SLC38A12: variants seen among roughly 807,000 people sequenced by gnomAD.
SLC38A12 encodes putative sodium-coupled neutral amino acid transporter 12.
the SLC38A12 span, among the ~76,000 whole-genome samples, chr17:74,807,111 C>T: frequency 6.6e-6 from 1 of 150,484 alleles, no homozygotes; most frequent in African/African-American, 2.5e-5. Flanking sequence ...AGACACCCCC[C>T]CACCCCACCC....
At chr17:74,788,677 A>G in the SLC38A12 span, 3 of 819,590 alleles carry the variant, frequency 3.7e-6, no homozygotes, top group South Asian at 5.2e-5. Flanking sequence ...GCTCTCAGAA[A>G]AGAGAATGGT....
chr17:74,795,709 C>T, the SLC38A12 span: 2 of 1,126,708 alleles, frequency 1.8e-6, no homozygotes, highest in African/African-American at 3.1e-5. Flanking sequence ...CCTTTACTTC[C>T]AGGTAGAATC....
chr17:74,799,821 C>G, the SLC38A12 span, among the ~76,000 whole-genome samples: 2 of 152,234 alleles, frequency 1.3e-5, no homozygotes, highest in Admixed American at 1.3e-4. Context: ...AAACCAAATG[C>G]TTTCCTCCTA....
At chr17:74,779,189 C>T in the SLC38A12 span, among the ~76,000 whole-genome samples, 3 of 152,196 alleles carry the variant, frequency 2.0e-5, no homozygotes, top group Admixed American at 2.0e-4. Flanking sequence ...AAGGAAAACA[C>T]TTGGATATGT....
chr17:74,791,211 T>C, the SLC38A12 span, among the ~76,000 whole-genome samples: 1 of 152,080 alleles, frequency 6.6e-6, no homozygotes, highest in Non-Finnish European at 1.5e-5. Flanking sequence ...TTTCCTGGAT[T>C]CCTCCCTGTC....
At chr17:74,785,476 T>C in the SLC38A12 span, 1 of 1,607,972 alleles carries the variant, frequency 6.2e-7, no homozygotes. Flanking sequence ...CCTCTGTCGG[T>C]TCCAGGTTGG....
chr17:74,839,074 T>C, the SLC38A12 span: 1 of 1,535,350 alleles, frequency 6.5e-7, no homozygotes. Flanking sequence ...TTTGCCTCCC[T>C]CCCCACAGAA....
the SLC38A12 span, among the ~76,000 whole-genome samples, chr17:74,794,660 C>T: frequency 6.6e-6 from 1 of 152,116 alleles, no homozygotes; most frequent in Admixed American, 6.5e-5. Flanking sequence ...ACCTGGGGTT[C>T]AGGCTCCTGA....
the SLC38A12 span, among the ~76,000 whole-genome samples, chr17:74,829,943 G>A: frequency 2.6e-5 from 4 of 152,160 alleles, no homozygotes; most frequent in African/African-American, 7.2e-5. This position sits in a 1 kb window ranked among gnomAD's most constrained non-coding sequence, Gnocchi z 4.1. Context: ...GAAGGAGCTC[G>A]TCCCTCTCCG....
the SLC38A12 span, among the ~76,000 whole-genome samples, chr17:74,792,785 C>T: frequency 6.6e-6 from 1 of 152,362 alleles, no homozygotes; most frequent in South Asian, 2.1e-4. Context: ...CCCTGCTGGA[C>T]CGGCCTCACA....
the SLC38A12 span, among the ~76,000 whole-genome samples, chr17:74,816,322 A>C: frequency 6.6e-6 from 1 of 152,234 alleles, no homozygotes; most frequent in Non-Finnish European, 1.5e-5. Context: ...AACCTCATGT[A>C]GAGAGCAAGG....
At chr17:74,803,902 A>AT in the SLC38A12 span, among the ~76,000 whole-genome samples, 2 of 152,096 alleles carry the variant, frequency 1.3e-5, no homozygotes, top group Non-Finnish European at 2.9e-5. Context: ...CACCTTTTTT[A>AT]TTTTTTATTT....
At chr17:74,838,233 G>A in the SLC38A12 span, 12 of 985,616 alleles carry the variant, frequency 1.2e-5, no homozygotes, top group African/African-American at 1.7e-5. Context: ...TTGTCCCCAC[G>A]TGTCACTTTC....
the SLC38A12 span, among the ~76,000 whole-genome samples, chr17:74,818,682 C>T: frequency 9.8e-5 from 15 of 152,346 alleles, no homozygotes; most frequent in African/African-American, 3.4e-4. Context: ...GTTCAGGCTT[C>T]CGAGCCGCCT....
the SLC38A12 span, among the ~76,000 whole-genome samples, chr17:74,786,998 C>T: frequency 3.5e-4 from 54 of 152,208 alleles, no homozygotes; most frequent in East Asian, 4.1e-3. Context: ...GTTGGCCTTG[C>T]GCAACCATGA....
At chr17:74,837,611 A>G in the SLC38A12 span, 9 of 985,342 alleles carry the variant, frequency 9.1e-6, no homozygotes, top group African/African-American at 3.5e-5. Context: ...TCCCACTCCA[A>G]CACTAAAAGC....
At chr17:74,785,353 T>G in the SLC38A12 span, 1 of 1,355,572 alleles carries the variant, frequency 7.4e-7, no homozygotes, top group East Asian at 2.4e-5. Flanking sequence ...CTGTCCTGCC[T>G]CCTTCCCTGT....
At chr17:74,792,377 G>A in the SLC38A12 span, among the ~76,000 whole-genome samples, 1 of 151,588 alleles carries the variant, frequency 6.6e-6, no homozygotes, top group African/African-American at 2.4e-5. Context: ...CTTGAACCTG[G>A]GAGGCGGAGG....
the SLC38A12 span, chr17:74,838,869 G>C: frequency 3.3e-6 from 5 of 1,533,316 alleles, no homozygotes; most frequent in African/African-American, 5.5e-5. Flanking sequence ...AGCTCAGCTT[G>C]TGGTTTCCAT....
Sources: allele counts gnomAD v4.1 joint callset (sites outside exome capture counted in the v4.1 genomes callset), GRCh38; gene constraint gnomAD v4.1.1; non-coding constraint Gnocchi (gnomAD v3.1); transcripts MANE v1.5; gene names NCBI Gene and HGNC (gene_info 2026-07-23, HGNC 2026-07-21).